Variants in BDNF observed in about 807,000 individuals in gnomAD.
BDNF encodes the protein neurotrophic factor BDNF precursor form.
In BDNF, 1 loss-of-function variant was observed where a neutral mutation model predicts 19.5. That is an observed-to-expected ratio of 0.05 (90% CI 0.02 to 0.24). The LOEUF (loss-of-function observed/expected upper bound fraction) is 0.24, where lower values mean the gene tolerates loss of function less well. BDNF is among the 10% of genes least tolerant of loss of function. BDNF has a pLI of 1.00. For synonymous variants in BDNF, 100 were observed against 121.6 expected, an observed-to-expected ratio of 0.82 and a Z score of 1.17; for missense variants, 195 against 317.6, an observed-to-expected ratio of 0.61 and a Z score of 2.93.
intron 1 of BDNF, among the ~76,000 whole-genome samples, chr11:27,710,544 G>A (rs1860282615): frequency 6.6e-6 from 1 of 152,194 alleles, no homozygotes; most frequent in South Asian, 2.1e-4. Flanking sequence ...TGGAGGAAGA[G>A]CATTGAATTG....
chr11:27,670,162 G>T (rs1212994500), intron 1 of BDNF, among the ~76,000 whole-genome samples: 1 of 152,158 alleles, frequency 6.6e-6, no homozygotes. Context: ...ATGGGGAAAG[G>T]ATTCTCTATT....
rs187192302 is a variant in BDNF at position 27,669,990 on chromosome 11, G to A, written c.-21-11405C>T. The stretch of plus-strand genomic sequence containing the variant: ...AAAAGAACAAAGCTGGAGGCATCAC[G>A]CTACCTGACTTCAAACTATATTACA... On this transcript the variant is annotated intron_variant, in intron 1 of 1. Transcript: ENST00000356660. 3.4e-4 allele frequency among the ~76,000 whole-genome samples: 51 copies of A among 152,212 alleles called. No homozygotes were observed. In the East Asian group the frequency reaches 5.8e-3, roughly 17 times the overall value.
intron 1 of BDNF, among the ~76,000 whole-genome samples, chr11:27,706,038 G>A (rs1161051394): frequency 6.6e-6 from 1 of 152,132 alleles, no homozygotes; most frequent in Admixed American, 6.5e-5. Flanking sequence ...GAAAGATGAT[G>A]GTAAACATGC....
chr11:27,700,863 G>GCA, upstream of BDNF: 1 of 1,266,774 alleles, frequency 7.9e-7, no homozygotes, highest in Non-Finnish European at 1.0e-6. Flanking sequence ...AGTGAGAATC[G>GCA]CACGCCCCGA....
At chr11:27,673,939 A>G in intron 1 of BDNF, 1 of 1,187,394 alleles carries the variant, frequency 8.4e-7, no homozygotes, top group Non-Finnish European at 1.1e-6. Flanking sequence ...GATGGAAGAA[A>G]CTGGAAAGGT....
At chr11:27,717,257 T>C (rs1860549458) in intron 1 of BDNF, among the ~76,000 whole-genome samples, 1 of 152,218 alleles carries the variant, frequency 6.6e-6, no homozygotes, top group Admixed American at 6.5e-5. Context: ...AACTAATCAC[T>C]TGCTTTTAAA....
In BDNF at chr11:27,656,364, G is replaced by T; in HGVS notation, c.*1457C>A. Reference sequence around the variant, plus strand: ...ATGGTGGGCATAAGTCGGCTTGAGTGTGGTCCTCCAGTCGAGAACCTCTTG... The same window carrying T: ...ATGGTGGGCATAAGTCGGCTTGAGTTTGGTCCTCCAGTCGAGAACCTCTTG... On this transcript the variant is annotated 3_prime_UTR_variant, in exon 2 of 2. Coordinates refer to ENST00000356660, the MANE Select transcript of BDNF (RefSeq NM_001709.5). 1 of 206,272 alleles carries T rather than the reference G, an allele frequency of 4.8e-6. No individual in the cohort carries two copies. The highest frequency in any genetic ancestry group is 8.5e-6 in the Non-Finnish European group (1 of 117,182). The allele number at this position is 206,272 out of a possible 1,614,324, so 12.8% of individuals were successfully genotyped here. A position where few individuals can be genotyped will look rare whatever the true frequency, so the allele number is the denominator to read the frequency against.
intron 1 of BDNF, among the ~76,000 whole-genome samples, chr11:27,683,980 A>G (rs1422377002): frequency 1.3e-5 from 2 of 152,214 alleles, no homozygotes; most frequent in Non-Finnish European, 2.9e-5. Context: ...CATTGGATCT[A>G]TAAATTACTT....
At chr11:27,682,150 C>G (rs1173789321) in intron 1 of BDNF, among the ~76,000 whole-genome samples, 1 of 152,122 alleles carries the variant, frequency 6.6e-6, no homozygotes, top group African/African-American at 2.4e-5. Context: ...ATAAGTCTCT[C>G]TAAATCACAG....
At position 27,656,168 on chromosome 11, in the gene BDNF, G is replaced by A. The variant is rs1320929559; in HGVS notation, c.*1653C>T. The A allele has an allele frequency of 6.6e-6, 1 of 152,116 alleles. No individual in the cohort carries two copies. The highest frequency in any genetic ancestry group is 1.5e-5 in the Non-Finnish European group (1 of 68,022). 9.4% of individuals were successfully genotyped at this position (152,116 alleles called of 1,614,324 possible). On this transcript the variant is annotated 3_prime_UTR_variant, in exon 2 of 2. Transcript: ENST00000356660. Reference sequence around the variant, plus strand: ...CCTGTTCCCTTTTCCCTTACCAAAAGTTCTCAAAAGATAAACCCTGGTTTC... The same window carrying A: ...CCTGTTCCCTTTTCCCTTACCAAAAATTCTCAAAAGATAAACCCTGGTTTC...
rs535856866 is a variant in BDNF at position 27,656,851 on chromosome 11, T to C, written c.*970A>G. ...GTTCTCCATGCTTATACGAGTGTCA[T>C]GATGTGACACAATGTGTTCACTTGT... is the stretch of plus-strand genomic sequence containing the variant. On this transcript the variant is annotated 3_prime_UTR_variant, in exon 2 of 2. Coordinates refer to ENST00000356660, the MANE Select transcript of BDNF (RefSeq NM_001709.5). 2.8e-5 allele frequency: 28 copies of C among 985,346 alleles called. No homozygotes were observed. The South Asian group carries it at 1.2e-3, about 43-fold the overall frequency. The allele number at this position is 985,346 out of a possible 1,614,324, so 61.0% of individuals were successfully genotyped here. A position where few individuals can be genotyped will look rare whatever the true frequency, so the allele number is the denominator to read the frequency against.
At chr11:27,660,249 C>T in intron 1 of BDNF, 4 of 1,247,326 alleles carry the variant, frequency 3.2e-6, no homozygotes, top group Non-Finnish European at 4.1e-6. Context: ...CATTTTCAAC[C>T]ACTAAGAGAC....
Position 27,658,395 on chromosome 11 carries a change from G to C in BDNF, c.170C>G (p.Thr57Arg). The C allele has an allele frequency of 6.2e-7, 1 of 1,614,194 alleles. No individual in the cohort carries two copies. Among genetic ancestry groups the C allele is most frequent in the Non-Finnish European group, 8.5e-7 (1 of 1,180,024 alleles). ...NGPKAGSRGL[T>R]SLADTFEHVI... ...GTGTTCGAAAGTGTCAGCCAATGATGTCAAGCCTCTTGAACCTGCCTTGGG... is the reference window on the plus strand; with the variant it reads ...GTGTTCGAAAGTGTCAGCCAATGATCTCAAGCCTCTTGAACCTGCCTTGGG... Residue 57 changes from threonine to arginine, a missense_variant, in exon 2 of 2, where the codon ACA (threonine) becomes AGA (arginine). Transcript: ENST00000356660. The surrounding 1 kb of genome is among the most constrained non-coding windows in gnomAD (Gnocchi z 5.7).
In BDNF at chr11:27,660,199, G is replaced by A. The variant is rs74717653; in HGVS notation, c.-21-1614C>T. On this transcript the variant is annotated intron_variant, in intron 1 of 1. Coordinates refer to ENST00000356660, the MANE Select transcript of BDNF (RefSeq NM_001709.5). ...AATGCAGAAATGGCTGAAAACTCTG[G>A]TATTGAAAAGCAAATGTTCTCCACT... 297 of 1,213,110 alleles carry A rather than the reference G, an allele frequency of 2.4e-4. 1 individual carries two copies. The East Asian group carries it at 0.011, about 45-fold the overall frequency. 75.1% of individuals were successfully genotyped at this position (1,213,110 alleles called of 1,614,324 possible).
chr11:27,700,551 C>G (rs1859814303), upstream of BDNF: 2 of 922,540 alleles, frequency 2.2e-6, no homozygotes, highest in Non-Finnish European at 2.6e-6. Context: ...GCCCCCCGCT[C>G]CCCGCTCGCC....
rs66866077 is a variant in BDNF at position 27,699,390 on chromosome 11, C to T, written c.-22+774G>A. On this transcript the variant is annotated intron_variant, in intron 1 of 1. Transcript: ENST00000356660. ...AGGAGTAACTCACTCACCCATTCCT[C>T]TTCCCGGCTCTGCATCCCCAGAGAC... 0.048 allele frequency: 77,458 copies of T among 1,614,100 alleles called. 2,172 individuals are homozygous for T. The highest frequency in any genetic ancestry group is 0.057 in the Non-Finnish European group (67,838 of 1,179,980).
intron 1 of BDNF, among the ~76,000 whole-genome samples, chr11:27,713,920 A>C (rs1004572516): frequency 6.6e-6 from 1 of 152,240 alleles, no homozygotes; most frequent in African/African-American, 2.4e-5. Flanking sequence ...GCTGGTTTTT[A>C]GACACTAGAC....
Position 27,700,186 on chromosome 11 carries a change from C to A in BDNF, c.-44G>T, listed in dbSNP as rs2134084376. 1.0e-6 allele frequency: 1 copy of A among 985,778 alleles called. No homozygotes were observed. The highest frequency in any genetic ancestry group is 4.7e-5 in the South Asian group (1 of 21,308). 61.1% of individuals were successfully genotyped at this position (985,778 alleles called of 1,614,324 possible). Reference sequence around the variant, plus strand: ...TACCTCGGGGTCCACACAAACCTCACGGGTCCCCGGCGGCGGAGTCACATC... The same window carrying A: ...TACCTCGGGGTCCACACAAACCTCAAGGGTCCCCGGCGGCGGAGTCACATC... On this transcript the variant is annotated 5_prime_UTR_variant, in exon 1 of 2. Transcript: ENST00000356660.
intron 1 of BDNF, chr11:27,720,463 C>A: frequency 1.0e-6 from 1 of 985,884 alleles, no homozygotes. Context: ...CAGCCTACAC[C>A]GCTAGGAAGC....
Sources: gnomAD v4.1 joint callset for allele counts (sites outside exome capture counted in the v4.1 genomes callset) on GRCh38, gnomAD v4.1.1 for gene constraint, Gnocchi (gnomAD v3.1) non-coding constraint, MANE v1.5 for transcripts, NCBI Gene and HGNC (gene_info 2026-07-23, HGNC 2026-07-21) for gene names.